Variants in GRXCR2 observed in about 807,000 individuals in gnomAD.
GRXCR2 encodes glutaredoxin and cysteine rich domain containing 2.
In GRXCR2, 23 loss-of-function variants were observed where a neutral mutation model predicts 24.8. The ratio of observed to expected loss-of-function variants is 0.93; its 90% CI spans 0.67 to 1.32. The LOEUF (loss-of-function observed/expected upper bound fraction) is 1.32, where lower values mean the gene tolerates loss of function less well. Ranked by LOEUF, GRXCR2 falls within the 40% of genes most tolerant of loss-of-function variation. The probability of loss-of-function intolerance (pLI) is 0.00; values close to 1 mark genes in which losing one functional copy is unlikely to be tolerated. For synonymous variants in GRXCR2, 130 were observed against 116.1 expected (o/e 1.12, Z -0.77); for missense variants, 315 against 303.4 (o/e 1.04, Z -0.28).
chr5:145,861,866 T>C (rs1002325166), intron 2 of GRXCR2, among the ~76,000 whole-genome samples: 3 of 152,208 alleles, frequency 2.0e-5, no homozygotes, highest in African/African-American at 7.2e-5. Context: ...TCCATCATGC[T>C]GCAAATTGCC....
rs140525325 is a variant in GRXCR2, at chr5:145,905,405, G to C, written c.-70+30296C>G. Reference sequence around the variant, plus strand: ...AATAAACATACCACAGTGACGAAGAGAGAAACTGTAAGTTTAAGGCAATTT... The same window carrying C: ...AATAAACATACCACAGTGACGAAGACAGAAACTGTAAGTTTAAGGCAATTT... On this transcript the variant is annotated intron_variant, in intron 2 of 3. Transcript: ENST00000639411. Among the ~76,000 whole-genome samples the C allele has an allele frequency of 3.8e-4, 58 of 152,320 alleles. 2 individuals carry two copies. In the East Asian group the frequency reaches 0.011, roughly 29 times the overall value.
chr5:145,928,584 T>C (rs568942658), intron 2 of GRXCR2, among the ~76,000 whole-genome samples: 2 of 152,242 alleles, frequency 1.3e-5, no homozygotes, highest in South Asian at 4.2e-4. Context: ...TAAACAATGA[T>C]GAGTTCATGT....
intron 2 of GRXCR2, among the ~76,000 whole-genome samples, chr5:145,901,713 A>G (rs989657517): frequency 1.7e-4 from 26 of 152,298 alleles, no homozygotes; most frequent in African/African-American, 6.3e-4. Context: ...ATCTAGGAGA[A>G]CATGGAGGGA....
chr5:145,909,658 T>A (rs1421322078), intron 2 of GRXCR2, among the ~76,000 whole-genome samples: 1 of 152,186 alleles, frequency 6.6e-6, no homozygotes, highest in East Asian at 1.9e-4. Context: ...GGCTTCTTCA[T>A]CAATGCCTAG....
chr5:145,873,371 GAGC>G (rs1170749978), upstream of GRXCR2, among the ~76,000 whole-genome samples: 1 of 152,160 alleles, frequency 6.6e-6, no homozygotes, highest in Non-Finnish European at 1.5e-5. Flanking sequence ...AAAATCTAGT[GAGC>G]ATTTCATAAG....
chr5:145,867,316 A>C (rs535094855), intron 1 of GRXCR2, among the ~76,000 whole-genome samples: 27 of 152,284 alleles, frequency 1.8e-4, no homozygotes, highest in Non-Finnish European at 3.2e-4. Context: ...TTACTCGGGC[A>C]CTGTAACTAG....
intron 2 of GRXCR2, among the ~76,000 whole-genome samples, chr5:145,918,757 C>A (rs893115970): frequency 1.8e-4 from 28 of 152,086 alleles, no homozygotes; most frequent in African/African-American, 6.5e-4. Flanking sequence ...AGGAACAAGC[C>A]CCCTCATGCT....
intron 2 of GRXCR2, among the ~76,000 whole-genome samples, chr5:145,882,626 G>A (rs1161982354): frequency 6.6e-6 from 1 of 152,130 alleles, no homozygotes; most frequent in African/African-American, 2.4e-5. Flanking sequence ...ATTCCTCAAG[G>A]ATCTAGAACT....
intron 2 of GRXCR2, among the ~76,000 whole-genome samples, chr5:145,896,866 A>T (rs1368077455): frequency 1.3e-5 from 2 of 152,136 alleles, no homozygotes; most frequent in African/African-American, 4.8e-5. Context: ...TCACAATAGC[A>T]AAGACTTGGA....
At chr5:145,887,486 A>G (rs1361236480) in intron 2 of GRXCR2, among the ~76,000 whole-genome samples, 1 of 152,252 alleles carries the variant, frequency 6.6e-6, no homozygotes, top group Non-Finnish European at 1.5e-5. Flanking sequence ...ACTGTACTCA[A>G]AATGAATGAA....
At chr5:145,883,574 CAA>C (rs1193010692) in intron 2 of GRXCR2, among the ~76,000 whole-genome samples, 1 of 151,986 alleles carries the variant, frequency 6.6e-6, no homozygotes, top group African/African-American at 2.4e-5. Context: ...TACCCAGCTG[CAA>C]AAAAATTCAA....
chr5:145,921,702 A>C (rs1757322866), intron 2 of GRXCR2, among the ~76,000 whole-genome samples: 2 of 152,016 alleles, frequency 1.3e-5, no homozygotes, highest in African/African-American at 4.8e-5. Context: ...ATACATACAC[A>C]CCCTTGAAAC....
At chr5:145,908,001 G>GT (rs747557247) in intron 2 of GRXCR2, among the ~76,000 whole-genome samples, 3 of 152,154 alleles carry the variant, frequency 2.0e-5, no homozygotes, top group Non-Finnish European at 4.4e-5. Context: ...GGTCTGGACT[G>GT]CAGCTGTAAG....
At chr5:145,878,970 A>C (rs1756659110) in intron 2 of GRXCR2, among the ~76,000 whole-genome samples, 1 of 152,190 alleles carries the variant, frequency 6.6e-6, no homozygotes. Flanking sequence ...GGAGAAATAA[A>C]ATCTTTACAG....
chr5:145,892,057 C>T (rs1213049238), intron 2 of GRXCR2, among the ~76,000 whole-genome samples: 1 of 152,154 alleles, frequency 6.6e-6, no homozygotes, highest in South Asian at 2.1e-4. Context: ...CTCCAACAGA[C>T]CTGCAGCTGA....
chr5:145,859,671 G>T lies in GRXCR2; in HGVS notation c.*62C>A, dbSNP rs1426288731. On this transcript the variant is annotated 3_prime_UTR_variant, in exon 3 of 3. Coordinates refer to ENST00000377976, the MANE Select transcript of GRXCR2 (RefSeq NM_001080516.2). ...GGAGAGGCAGGAGGAGGAGAAGGGG[G>T]CGGTTTATTAGAAATAACTTTAGGG... 1.3e-6 allele frequency: 2 copies of T among 1,507,578 alleles called. No individual in the cohort carries two copies. Among genetic ancestry groups the T allele is most frequent in the Non-Finnish European group, 1.8e-6 (2 of 1,086,108 alleles). The allele number at this position is 1,507,578 out of a possible 1,614,324, so 93.4% of individuals were successfully genotyped here.
chr5:145,925,228 A>C (rs928993418), intron 2 of GRXCR2, among the ~76,000 whole-genome samples: 4 of 152,232 alleles, frequency 2.6e-5, no homozygotes, highest in African/African-American at 9.6e-5. Context: ...ATCTGACTCC[A>C]GAGTGTATGT....
intron 2 of GRXCR2, among the ~76,000 whole-genome samples, chr5:145,892,898 C>A (rs1207992516): frequency 6.6e-6 from 1 of 152,176 alleles, no homozygotes; most frequent in African/African-American, 2.4e-5. Context: ...TTGGCTTACC[C>A]ACAAAGGGAA....
upstream of GRXCR2, among the ~76,000 whole-genome samples, chr5:145,874,176 C>T (rs371744415): frequency 4.0e-5 from 6 of 151,736 alleles, no homozygotes; most frequent in East Asian, 3.9e-4. Context: ...TACAGCCATT[C>T]GCTTGGATTC....
Sources: allele counts gnomAD v4.1 joint callset (sites outside exome capture counted in the v4.1 genomes callset), GRCh38; gene constraint gnomAD v4.1.1; transcripts MANE v1.5; gene names NCBI Gene and HGNC (gene_info 2026-07-23, HGNC 2026-07-21).